Variants in OPRD1 observed in about 807,000 individuals in gnomAD.
OPRD1 encodes the protein delta-type opioid receptor.
A neutral mutation model predicts 17.5 loss-of-function variants in OPRD1; 19 were observed. The ratio of observed to expected loss-of-function variants is 1.09; its 90% confidence interval spans 0.76 to 1.60. OPRD1 has a LOEUF of 1.60. Ranked by LOEUF, OPRD1 falls within the 40% of genes most tolerant of loss-of-function variation. The pLI is 0.00. For missense variants in OPRD1, 483 were observed against 547.2 expected (o/e 0.88, Z 1.17); for synonymous variants, 256 against 240.9 (o/e 1.06, Z -0.58).
intron 1 of OPRD1, among the ~76,000 whole-genome samples, chr1:28,850,105 C>T (rs376501113): frequency 2.6e-5 from 4 of 152,200 alleles, no homozygotes; most frequent in East Asian, 3.9e-4. Flanking sequence ...TGGTCTCAAT[C>T]TTCTGACCTC....
chr1:28,853,708 G>T (rs1474765880), intron 1 of OPRD1, among the ~76,000 whole-genome samples: 1 of 150,302 alleles, frequency 6.7e-6, no homozygotes, highest in Non-Finnish European at 1.5e-5. Flanking sequence ...TTTACACTAT[G>T]TAATTGTGTT....
At chr1:28,844,919 A>ATT (rs1004162588) in intron 1 of OPRD1, among the ~76,000 whole-genome samples, 1 of 150,984 alleles carries the variant, frequency 6.6e-6, no homozygotes, top group Non-Finnish European at 1.5e-5. Context: ...TAATTTTTGT[A>ATT]TTTTTTTGTA....
In OPRD1 at chr1:28,870,763, C is replaced by T. The variant is rs1442544667; in HGVS notation, c.*7480C>T. 1 of 152,250 alleles carries T rather than the reference C, an allele frequency of 6.6e-6. No homozygotes were observed. Among genetic ancestry groups the T allele is most frequent in the Non-Finnish European group, 1.5e-5 (1 of 68,068 alleles). The allele number at this position is 152,250 out of a possible 1,614,324, so 9.4% of individuals were successfully genotyped here. On this transcript the variant is annotated 3_prime_UTR_variant, in exon 3 of 3. Coordinates refer to ENST00000234961, the MANE Select transcript of OPRD1 (RefSeq NM_000911.4). ...GGGACAGCCTGGAAAGGAAGAAGGT[C>T]CCGGGCCATCTGCGTCATGGGGATG...
chr1:28,846,850 C>CTTTCTTTCTTTCTTTCTTTCTTTCTTTCT (rs2088953130), intron 1 of OPRD1, among the ~76,000 whole-genome samples: 22 of 38,270 alleles, frequency 5.7e-4, no homozygotes, highest in African/African-American at 1.7e-3. Flanking sequence ...TCTTTCTTTT[C>CTTTCTTTCTTTCTTTCTTTCTTTCTTTCT]TTTCTTTCTT....
chr1:28,845,057 A>G (rs543800874), intron 1 of OPRD1, among the ~76,000 whole-genome samples: 7 of 152,182 alleles, frequency 4.6e-5, no homozygotes, highest in African/African-American at 1.7e-4. Context: ...TAAATGTGAT[A>G]TAGTCAGCCG....
chr1:28,871,075 C>G lies in OPRD1; in HGVS notation c.*7792C>G, dbSNP rs2147755928. 6.6e-6 allele frequency: 1 copy of G among 152,264 alleles called. No individual in the cohort carries two copies. Among genetic ancestry groups the G allele is most frequent in the East Asian group, 1.9e-4 (1 of 5,178 alleles). 9.4% of individuals were successfully genotyped at this position (152,264 alleles called of 1,614,324 possible). ...TGGTAAAATCTACTGGGCATTTGCC[C>G]AGAGACAGGGAAAAGAATGCCTGGG... is the stretch of plus-strand genomic sequence containing the variant. On this transcript the variant is annotated 3_prime_UTR_variant, in exon 3 of 3. Transcript: ENST00000234961.
rs2089016517 is a variant in OPRD1 at position 28,852,737 on chromosome 1, G to A, written c.228-6217G>A. Reference sequence around the variant, plus strand: ...TTTATTTTTTATTTTTTATTTTTGAGATGGAGTTTTGCTTTTATTGCCCAG... The same window carrying A: ...TTTATTTTTTATTTTTTATTTTTGAAATGGAGTTTTGCTTTTATTGCCCAG... On this transcript the variant is annotated intron_variant, in intron 1 of 2. Transcript: ENST00000234961. Among the ~76,000 whole-genome samples the A allele has an allele frequency of 2.0e-5, 3 of 151,368 alleles. No individual in the cohort carries two copies. The South Asian group carries it at 6.3e-4, about 32-fold the overall frequency.
chr1:28,844,180 T>C (rs1188555442), intron 1 of OPRD1, among the ~76,000 whole-genome samples: 1 of 134,914 alleles, frequency 7.4e-6, no homozygotes, highest in African/African-American at 2.6e-5. Context: ...TTTTTTTTTT[T>C]CATTATCTTA....
rs2089161422 is a variant in OPRD1, at chr1:28,864,788, C to G, written c.*1505C>G. 1 of 151,904 alleles carries G rather than the reference C, an allele frequency of 6.6e-6. No homozygotes were observed. The highest frequency in any genetic ancestry group is 2.4e-5 in the African/African-American group (1 of 41,326). 9.4% of individuals were successfully genotyped at this position (151,904 alleles called of 1,614,324 possible). The stretch of plus-strand genomic sequence containing the variant: ...GCGGGGTATGAGAAGCATCAGTTCG[C>G]ACTTGGTGCTGGGTCCTGGGCCCTG... On this transcript the variant is annotated 3_prime_UTR_variant, in exon 3 of 3. Coordinates refer to ENST00000234961, the MANE Select transcript of OPRD1 (RefSeq NM_000911.4).
At chr1:28,838,068 C>T (rs1165104262) in intron 1 of OPRD1, among the ~76,000 whole-genome samples, 1 of 151,650 alleles carries the variant, frequency 6.6e-6, no homozygotes, top group Non-Finnish European at 1.5e-5. Flanking sequence ...GAGGTGATCT[C>T]TGTAAATGTC....
chr1:28,826,192 C>T (rs775356269), intron 1 of OPRD1, among the ~76,000 whole-genome samples: 1 of 152,158 alleles, frequency 6.6e-6, no homozygotes, highest in Admixed American at 6.5e-5. Context: ...TATCTCAAAG[C>T]AAGTCACACA....
Position 28,820,924 on chromosome 1 carries a change from A to T in OPRD1, c.227+8314A>T, listed in dbSNP as rs12755155. Among the ~76,000 whole-genome samples, 379 of 151,306 alleles carry T rather than the reference A, an allele frequency of 2.5e-3. 2 individuals are homozygous for T. Among genetic ancestry groups the T allele is most frequent in the Middle Eastern group, 0.01 (3 of 292 alleles). On this transcript the variant is annotated intron_variant, in intron 1 of 2. Coordinates refer to ENST00000234961, the MANE Select transcript of OPRD1 (RefSeq NM_000911.4). ...CCTGAGACCCCATATTTAAAAAAAA[A>T]TTTTTTTTTCTTCTACAATAAAAGG...
At position 28,859,075 on chromosome 1, in the gene OPRD1, G is replaced by A. The variant is rs200552760; in HGVS notation, c.349G>A (p.Gly117Ser). 6.2e-6 allele frequency: 10 copies of A among 1,614,210 alleles called. No homozygotes were observed. The highest frequency in any genetic ancestry group is 4.0e-5 in the African/African-American group (3 of 75,068). Residue 117 changes from glycine (G) to serine (S), a missense_variant, in exon 2 of 3, where the codon GGC (glycine) becomes AGC (serine). By Grantham distance (56) the Gly-to-Ser change is moderately conservative (BLOSUM62 0). Transcript: ENST00000234961. ...GTACCTGATGGAGACGTGGCCCTTC[G>A]GCGAGCTGCTCTGCAAGGCTGTGCT... ...AKYLMETWPF[G>S]ELLCKAVLSI...
intron 1 of OPRD1, among the ~76,000 whole-genome samples, chr1:28,849,905 A>T (rs1036877999): frequency 8.0e-6 from 1 of 124,752 alleles, no homozygotes; most frequent in Non-Finnish European, 1.6e-5. Flanking sequence ...TTTGAGACGG[A>T]GTCTCGCTCT....
chr1:28,837,817 A>C (rs749126426), intron 1 of OPRD1, among the ~76,000 whole-genome samples: 5 of 148,286 alleles, frequency 3.4e-5, no homozygotes, highest in Non-Finnish European at 7.4e-5. Context: ...CATGACACCC[A>C]ACTCTCTCTT....
intron 1 of OPRD1, among the ~76,000 whole-genome samples, chr1:28,817,939 C>T (rs1250817022): frequency 6.6e-6 from 1 of 151,780 alleles, no homozygotes; most frequent in Non-Finnish European, 1.5e-5. Context: ...AGGCTGGTCT[C>T]GAACTCCTGA....
At chr1:28,834,503 C>T (rs1020161106) in intron 1 of OPRD1, among the ~76,000 whole-genome samples, 1 of 151,550 alleles carries the variant, frequency 6.6e-6, no homozygotes, top group East Asian at 1.9e-4. Flanking sequence ...ACCTCAGCCT[C>T]CTGAGTAGCT....
At position 28,812,570 on chromosome 1, in the gene OPRD1, G is replaced by A; in HGVS notation, c.187G>A (p.Gly63Arg). The A allele has an allele frequency of 1.3e-6, 2 of 1,574,772 alleles. No individual in the cohort carries two copies. The highest frequency in any genetic ancestry group is 1.7e-6 in the Non-Finnish European group (2 of 1,167,310). The change falls in exon 1 of 3, where the codon GGG becomes AGG. Residue 63 changes from glycine to arginine, a missense_variant. Physicochemically the swap from Gly to Arg is moderately radical, Grantham distance 125. Transcript: ENST00000234961. ...GCTCTACTCGGCCGTGTGCGCCGTG[G>A]GGCTGCTGGGCAACGTGCTTGTCAT... ...TALYSAVCAV[G>R]LLGNVLVMFG...
intron 1 of OPRD1, among the ~76,000 whole-genome samples, chr1:28,813,264 G>A (rs1399822797): frequency 6.6e-6 from 1 of 152,214 alleles, no homozygotes; most frequent in Non-Finnish European, 1.5e-5. Context: ...TGTTTGTGCA[G>A]CTGTGTGTGC....
Sources: allele counts gnomAD v4.1 joint callset (sites outside exome capture counted in the v4.1 genomes callset), GRCh38; gene constraint gnomAD v4.1.1; transcripts MANE v1.5; gene names NCBI Gene and HGNC (gene_info 2026-07-23, HGNC 2026-07-21).